The following FSTL5 variants were observed in gnomAD, a reference collection of about 807,000 sequenced individuals.
The protein encoded by FSTL5 is follistatin-related protein 5.
A neutral mutation model predicts 89.1 loss-of-function variants in FSTL5; 62 were observed. The ratio of observed to expected loss-of-function variants is 0.70; its 90% CI spans 0.57 to 0.86. The LOEUF (loss-of-function observed/expected upper bound fraction) is 0.86, where lower values mean the gene tolerates loss of function less well. FSTL5 is among the 40% of genes least tolerant of loss of function. The pLI, the probability that FSTL5 is intolerant of heterozygous loss-of-function variation, is 0.00. For synonymous variants in FSTL5, 383 were observed against 346.2 expected (o/e 1.11, Z -1.18); for missense variants, 1,057 against 1,001.6 (o/e 1.06, Z -0.75).
Position 161,948,488 on chromosome 4 carries a change from T to TC in FSTL5, c.161-27837_161-27836insG, listed in dbSNP as rs542459009. Among the ~76,000 whole-genome samples the TC allele has an allele frequency of 8.8e-4, 125 of 141,970 alleles. 1 individual carries two copies. The South Asian group carries it at 0.019, about 22-fold the overall frequency. The allele number at this position is 141,970 out of a possible 152,430, so 93.1% of individuals were successfully genotyped here. ...ACGGAATTTTTTTCTTTTCTTTCTTTTTTTTTTTTTTTTTTGGAGACAGAG... is the reference window on the plus strand; with the variant it reads ...ACGGAATTTTTTTCTTTTCTTTCTTTCTTTTTTTTTTTTTTTGGAGACAGAG... On this transcript the variant is annotated intron_variant, in intron 3 of 15. Coordinates refer to ENST00000306100, the MANE Select transcript of FSTL5 (RefSeq NM_020116.5).
At chr4:161,439,981 A>T (rs1732703976) in intron 15 of FSTL5, among the ~76,000 whole-genome samples, 3 of 152,184 alleles carry the variant, frequency 2.0e-5, no homozygotes, top group Admixed American at 2.0e-4. Flanking sequence ...TTGAGAATAG[A>T]GTATTGCCAT....
chr4:161,773,684 T>C (rs1741290896), intron 5 of FSTL5, among the ~76,000 whole-genome samples: 1 of 151,938 alleles, frequency 6.6e-6, no homozygotes. Flanking sequence ...ATCTAAACTT[T>C]TAAAAAAAAT....
At chr4:162,030,688 C>G (rs1159652777) in intron 3 of FSTL5, among the ~76,000 whole-genome samples, 4 of 152,082 alleles carry the variant, frequency 2.6e-5, no homozygotes, top group Non-Finnish European at 5.9e-5. Flanking sequence ...AGGATATTAT[C>G]ATTATGGTTG....
chr4:161,808,628 A>C (rs914048010), intron 4 of FSTL5, among the ~76,000 whole-genome samples: 3 of 11,060 alleles, frequency 2.7e-4, no homozygotes, highest in Admixed American at 1.1e-3. Flanking sequence ...AAACAGACCA[A>C]AAAAAAAACC....
At chr4:161,718,725 G>C (rs1386264537) in intron 6 of FSTL5, among the ~76,000 whole-genome samples, 2 of 152,110 alleles carry the variant, frequency 1.3e-5, no homozygotes, top group Admixed American at 1.3e-4. Flanking sequence ...ACCATGTCCT[G>C]CCTGAAATAC....
At chr4:161,911,438 C>T (rs189936308) in intron 4 of FSTL5, among the ~76,000 whole-genome samples, 19 of 151,962 alleles carry the variant, frequency 1.3e-4, no homozygotes, top group South Asian at 2.1e-4. Context: ...TTTGTGTGCT[C>T]TTTAGGTATG....
intron 6 of FSTL5, among the ~76,000 whole-genome samples, chr4:161,713,655 C>A (rs998900074): frequency 1.3e-5 from 2 of 152,100 alleles, no homozygotes; most frequent in African/African-American, 4.8e-5. Flanking sequence ...AAATCACACA[C>A]ACACACACCC....
rs201697487 is a variant in FSTL5, at chr4:161,639,188, G to GA, written c.894+17139dup. Among the ~76,000 whole-genome samples, 1,338 of 148,154 alleles carry GA rather than the reference G, an allele frequency of 9.0e-3. 11 individuals are homozygous for GA. Among genetic ancestry groups the GA allele is most frequent in the African/African-American group, 0.027 (1,114 of 40,572 alleles). ...CCACTATAAATTTCCTCTTAGTTCT[G>GA]AAAAAAAAAATTGGAGCAGATACAT... On this transcript the variant is annotated intron_variant, in intron 7 of 15. Transcript: ENST00000306100.
chr4:161,551,842 G>T (rs544721955), intron 8 of FSTL5, among the ~76,000 whole-genome samples: 2 of 151,794 alleles, frequency 1.3e-5, no homozygotes, highest in Non-Finnish European at 2.9e-5. Flanking sequence ...AATTCAAGAT[G>T]GATTAAAGAC....
intron 15 of FSTL5, among the ~76,000 whole-genome samples, chr4:161,451,341 T>C (rs904388763): frequency 1.3e-5 from 2 of 152,162 alleles, no homozygotes; most frequent in South Asian, 2.1e-4. Context: ...ATGATTTACT[T>C]TATGACACTG....
At chr4:161,618,994 A>C (rs1170333401) in intron 7 of FSTL5, among the ~76,000 whole-genome samples, 3 of 152,214 alleles carry the variant, frequency 2.0e-5, no homozygotes, top group African/African-American at 7.2e-5. Flanking sequence ...AAACAGAGAT[A>C]TAGATCAATG....
At chr4:162,033,258 A>C (rs1737606244) in intron 3 of FSTL5, among the ~76,000 whole-genome samples, 1 of 152,284 alleles carries the variant, frequency 6.6e-6, no homozygotes, top group East Asian at 1.9e-4. Flanking sequence ...GTGACTAAAT[A>C]GTTGGGTCTC....
At chr4:161,392,081 T>C (rs1730840004) in intron 15 of FSTL5, among the ~76,000 whole-genome samples, 1 of 152,176 alleles carries the variant, frequency 6.6e-6, no homozygotes, top group African/African-American at 2.4e-5. Flanking sequence ...CTCTAATTGT[T>C]CTAGGCAAAA....
At position 161,749,893 on chromosome 4, in the gene FSTL5, A is replaced by G. The variant is rs78641155; in HGVS notation, c.727+9518T>C. ...GTGTGAGGGGAGTGAGAGTTGAAAA[A>G]TTACTTATTTGGTAAAATCTTCCCT... is the stretch of plus-strand genomic sequence containing the variant. On this transcript the variant is annotated intron_variant, in intron 6 of 15. Coordinates refer to ENST00000306100, the MANE Select transcript of FSTL5 (RefSeq NM_020116.5). Among the ~76,000 whole-genome samples, 1,420 of 152,094 alleles carry G rather than the reference A, an allele frequency of 9.3e-3. 18 individuals carry two copies. Among genetic ancestry groups the G allele is most frequent in the East Asian group, 0.03 (157 of 5,172 alleles).
intron 6 of FSTL5, among the ~76,000 whole-genome samples, chr4:161,678,999 A>G (rs1737421957): frequency 6.6e-6 from 1 of 151,766 alleles, no homozygotes; most frequent in Non-Finnish European, 1.5e-5. Context: ...TATGTGCTAG[A>G]TATATTAAAT....
intron 6 of FSTL5, among the ~76,000 whole-genome samples, chr4:161,666,037 G>A (rs577473670): frequency 2.0e-4 from 30 of 152,058 alleles, no homozygotes; most frequent in Non-Finnish European, 3.8e-4. Flanking sequence ...TCTCCATAAA[G>A]AAAGTGACTT....
intron 4 of FSTL5, among the ~76,000 whole-genome samples, chr4:161,791,902 G>A (rs1482909235): frequency 1.3e-5 from 2 of 152,194 alleles, no homozygotes; most frequent in Non-Finnish European, 2.9e-5. Flanking sequence ...CAGTGGAGAA[G>A]GTGAGGCCGG....
At chr4:161,505,433 G>A (rs1730445215) in intron 11 of FSTL5, among the ~76,000 whole-genome samples, 1 of 151,922 alleles carries the variant, frequency 6.6e-6, no homozygotes, top group Admixed American at 6.6e-5. Flanking sequence ...TCTTTTTTAG[G>A]CCCTGTTAAT....
intron 15 of FSTL5, among the ~76,000 whole-genome samples, chr4:161,417,939 A>C (rs2126306100): frequency 6.6e-6 from 1 of 152,350 alleles, no homozygotes; most frequent in East Asian, 1.9e-4. Context: ...GGAGGAAATT[A>C]AGTACAGCAG....
Sources: allele counts gnomAD v4.1 joint callset (sites outside exome capture counted in the v4.1 genomes callset), GRCh38; gene constraint gnomAD v4.1.1; transcripts MANE v1.5; gene names NCBI Gene and HGNC (gene_info 2026-07-23, HGNC 2026-07-21).